Variants in NYAP2 observed in about 807,000 individuals in gnomAD.
The protein encoded by NYAP2 is neuronal tyrosine-phosphorylated phosphoinositide-3-kinase adapter 2.
In NYAP2, 23 loss-of-function variants were observed where a neutral mutation model predicts 50.4. That is an observed-to-expected ratio of 0.46 (90% CI 0.33 to 0.65). The LOEUF (loss-of-function observed/expected upper bound fraction) is 0.65. Ranked by LOEUF, NYAP2 falls within the 30% of genes least tolerant of loss-of-function variation. NYAP2 has a pLI of 0.02. For missense variants in NYAP2, 885 were observed against 861.0 expected, an observed-to-expected ratio of 1.03 and a Z score of -0.35; for synonymous variants, 394 against 365.2, an observed-to-expected ratio of 1.08 and a Z score of -0.90.
chr2:225,519,596 T>C (rs1295625109), intron 4 of NYAP2, among the ~76,000 whole-genome samples: 1 of 152,114 alleles, frequency 6.6e-6, no homozygotes, highest in Non-Finnish European at 1.5e-5. Flanking sequence ...ACAAAGGACA[T>C]GAACTCATCA....
At chr2:225,528,008 T>C (rs937311465) in intron 4 of NYAP2, among the ~76,000 whole-genome samples, 2 of 152,132 alleles carry the variant, frequency 1.3e-5, no homozygotes, top group Non-Finnish European at 2.9e-5. Context: ...AACTGGAAAA[T>C]CGCTTCACCT....
intron 3 of NYAP2, among the ~76,000 whole-genome samples, chr2:225,415,081 A>C (rs16866585): frequency 0.64 from 96,977 of 151,938 alleles, 32,634 homozygotes; most frequent in Non-Finnish European, 0.75. Flanking sequence ...ACAAAGGACT[A>C]CTTAGGCTGA....
intron 3 of NYAP2, among the ~76,000 whole-genome samples, chr2:225,471,910 C>T (rs1301346751): frequency 1.3e-5 from 2 of 152,136 alleles, no homozygotes; most frequent in African/African-American, 4.8e-5. Context: ...CACAAAGCTA[C>T]TAATTTTAAC....
chr2:225,560,545 T>C (rs757162033), intron 4 of NYAP2, among the ~76,000 whole-genome samples: 7 of 152,114 alleles, frequency 4.6e-5, no homozygotes, highest in African/African-American at 7.2e-5. Flanking sequence ...AGAACCATAA[T>C]CATAGCAAAA....
intron 4 of NYAP2, among the ~76,000 whole-genome samples, chr2:225,542,256 TA>T (rs1691487571): frequency 6.6e-6 from 1 of 152,116 alleles, no homozygotes; most frequent in African/African-American, 2.4e-5. Context: ...GGATGCCTTT[TA>T]TTTAGTTCTC....
At chr2:225,572,536 G>C (rs1190418851) in intron 4 of NYAP2, among the ~76,000 whole-genome samples, 1 of 152,138 alleles carries the variant, frequency 6.6e-6, no homozygotes, top group Admixed American at 6.5e-5. Context: ...GAACTGCATG[G>C]AGGAAACTAC....
At chr2:225,599,344 A>T (rs962309272) in intron 5 of NYAP2, among the ~76,000 whole-genome samples, 1 of 152,226 alleles carries the variant, frequency 6.6e-6, no homozygotes, top group Non-Finnish European at 1.5e-5. Flanking sequence ...TGATCTTCAG[A>T]TACCTATGTG....
At chr2:225,527,646 T>TTTA (rs918039782) in intron 4 of NYAP2, among the ~76,000 whole-genome samples, 1 of 152,094 alleles carries the variant, frequency 6.6e-6, no homozygotes, top group African/African-American at 2.4e-5. Flanking sequence ...AACAATCTAC[T>TTTA]TTATTATTAT....
chr2:225,487,207 T>A (rs1690315904), intron 3 of NYAP2, among the ~76,000 whole-genome samples: 1 of 152,184 alleles, frequency 6.6e-6, no homozygotes, highest in African/African-American at 2.4e-5. Context: ...CACAAGCTAG[T>A]ATTTCGGCAG....
At chr2:225,677,451 A>C in the NYAP2 span, among the ~76,000 whole-genome samples, 1 of 152,040 alleles carries the variant, frequency 6.6e-6, no homozygotes, top group African/African-American at 2.4e-5. Flanking sequence ...TACTGTGTTG[A>C]ATAGAGTGGT....
At chr2:225,578,089 C>T (rs1051842504) in intron 4 of NYAP2, among the ~76,000 whole-genome samples, 17 of 152,002 alleles carry the variant, frequency 1.1e-4, no homozygotes, top group Admixed American at 9.8e-4. Context: ...TGCATCACCA[C>T]GCCTGGCTAA....
intron 3 of NYAP2, among the ~76,000 whole-genome samples, chr2:225,430,095 CTT>C (rs1235178537): frequency 6.6e-6 from 1 of 152,204 alleles, no homozygotes; most frequent in Non-Finnish European, 1.5e-5. Context: ...CTCTCTCTCT[CTT>C]TCTCTTCCTC....
intron 3 of NYAP2, among the ~76,000 whole-genome samples, chr2:225,418,607 G>A (rs1018683884): frequency 7.2e-5 from 11 of 152,292 alleles, no homozygotes; most frequent in Middle Eastern, 3.4e-3. Flanking sequence ...AGATGGGGAA[G>A]ATGGCAGAAG....
chr2:225,614,161 C>A (rs942251538), intron 5 of NYAP2, among the ~76,000 whole-genome samples: 1 of 151,998 alleles, frequency 6.6e-6, no homozygotes, highest in African/African-American at 2.4e-5. Context: ...TCATCTCAAC[C>A]CCAAGCCAGG....
At chr2:225,447,176 CAT>C (rs1245158086) in intron 3 of NYAP2, among the ~76,000 whole-genome samples, 1 of 152,154 alleles carries the variant, frequency 6.6e-6, no homozygotes, top group Non-Finnish European at 1.5e-5. Flanking sequence ...TCCAGCCTTG[CAT>C]ATGTAGCCCA....
intron 3 of NYAP2, among the ~76,000 whole-genome samples, chr2:225,480,721 A>G (rs893075413): frequency 6.6e-6 from 1 of 152,164 alleles, no homozygotes; most frequent in African/African-American, 2.4e-5. Flanking sequence ...AGAATTACAT[A>G]TAGGAGCTGT....
intron 3 of NYAP2, among the ~76,000 whole-genome samples, chr2:225,432,928 A>G (rs1689292823): frequency 6.6e-6 from 1 of 152,192 alleles, no homozygotes; most frequent in African/African-American, 2.4e-5. Flanking sequence ...TTTATTCTGC[A>G]GTATGATCAA....
At chr2:225,614,338 G>A (rs539027071) in intron 5 of NYAP2, among the ~76,000 whole-genome samples, 1 of 152,054 alleles carries the variant, frequency 6.6e-6, no homozygotes, top group Non-Finnish European at 1.5e-5. Context: ...AGATTTGGGG[G>A]TTTTGCTACT....
intron 3 of NYAP2, among the ~76,000 whole-genome samples, chr2:225,506,113 A>G (rs1690700169): frequency 6.6e-6 from 1 of 152,236 alleles, no homozygotes; most frequent in Admixed American, 6.5e-5. Context: ...AGGAGAATGC[A>G]TCCCTGGGAA....
Sources: gnomAD v4.1 joint callset for allele counts (sites outside exome capture counted in the v4.1 genomes callset) on GRCh38, gnomAD v4.1.1 for gene constraint, MANE v1.5 for transcripts, NCBI Gene and HGNC (gene_info 2026-07-23, HGNC 2026-07-21) for gene names.